The following RBFOX1 variants were observed in gnomAD, a reference collection of about 807,000 sequenced individuals.
RBFOX1 encodes RNA binding fox-1 homolog 1, also known as RNA binding protein fox-1 homolog 1.
Under a neutral mutation model 57.7 loss-of-function variants are expected in RBFOX1, and 8 were observed. The ratio of observed to expected loss-of-function variants is 0.14; its 90% confidence interval spans 0.08 to 0.25. The LOEUF (loss-of-function observed/expected upper bound fraction) is 0.25. Among genes scored for constraint, RBFOX1 ranks in the 10% least tolerant of loss-of-function variants. The pLI, the probability that RBFOX1 is intolerant of heterozygous loss-of-function variation, is 1.00. For synonymous variants in RBFOX1, 326 were observed against 222.4 expected (o/e 1.47, Z -4.15); for missense variants, 611 against 548.5 (o/e 1.11, Z -1.14).
At position 7,165,933 on chromosome 16, in the gene RBFOX1, T is replaced by C. The variant is rs201119426; in HGVS notation, c.27+113835T>C. 1.3e-3 allele frequency among the ~76,000 whole-genome samples: 192 copies of C among 143,262 alleles called. 1 individual carries two copies. Among genetic ancestry groups the C allele is most frequent in the African/African-American group, 4.4e-3 (167 of 38,244 alleles). 94.0% of individuals were successfully genotyped at this position (143,262 alleles called of 152,430 possible). Reference sequence around the variant, plus strand: ...CCCCCTGCACCCCACCGCATGCACATACACACACACACACACACACACACA... The same window carrying C: ...CCCCCTGCACCCCACCGCATGCACACACACACACACACACACACACACACA... On this transcript the variant is annotated intron_variant, in intron 4 of 15. Transcript: ENST00000550418.
chr16:7,412,364 G>A (rs1298136860), intron 4 of RBFOX1, among the ~76,000 whole-genome samples: 2 of 145,290 alleles, frequency 1.4e-5, no homozygotes, highest in East Asian at 2.1e-4. Flanking sequence ...GCAGGGAGCC[G>A]AGATCGCACC....
chr16:6,057,304 T>C (rs1248381619), intron 1 of RBFOX1, among the ~76,000 whole-genome samples: 1 of 152,178 alleles, frequency 6.6e-6, no homozygotes, highest in Non-Finnish European at 1.5e-5. Context: ...CCTGGGTTTT[T>C]TTTTTCTGTC....
intron 2 of RBFOX1, among the ~76,000 whole-genome samples, chr16:6,545,263 T>G (rs2096879208): frequency 6.6e-6 from 1 of 152,184 alleles, no homozygotes; most frequent in South Asian, 2.1e-4. Flanking sequence ...CTTTTAATAT[T>G]CAAAACAGGT....
chr16:5,389,894 C>T (rs2066357794), intron 1 of RBFOX1, among the ~76,000 whole-genome samples: 1 of 152,024 alleles, frequency 6.6e-6, no homozygotes, highest in South Asian at 2.1e-4. Context: ...GATGGAGCTT[C>T]ACCATGTTGC....
intron 2 of RBFOX1, among the ~76,000 whole-genome samples, chr16:5,551,444 C>A (rs553527305): frequency 4.6e-4 from 70 of 152,310 alleles, no homozygotes; most frequent in African/African-American, 1.6e-3. Flanking sequence ...CTCTTGTTAC[C>A]ACTAAATTGT....
intron 2 of RBFOX1, among the ~76,000 whole-genome samples, chr16:6,388,054 A>G (rs540616236): frequency 1.5e-5 from 2 of 135,520 alleles, no homozygotes; most frequent in African/African-American, 2.9e-5. Context: ...ATTTGAGCTC[A>G]CTGCAACCTC....
At chr16:7,191,132 TTCACCA>T (rs2085277461) in intron 4 of RBFOX1, among the ~76,000 whole-genome samples, 1 of 152,152 alleles carries the variant, frequency 6.6e-6, no homozygotes, top group African/African-American at 2.4e-5. Flanking sequence ...ATCTTAATTC[TTCACCA>T]TCATACTTTA....
chr16:7,471,272 G>A (rs2150930062), intron 4 of RBFOX1, among the ~76,000 whole-genome samples: 2 of 152,234 alleles, frequency 1.3e-5, no homozygotes, highest in East Asian at 3.9e-4. Context: ...TTTAGCTTTA[G>A]GCTATTTCCA....
At chr16:6,944,411 AAAAAG>A (rs1241841164) in intron 3 of RBFOX1, among the ~76,000 whole-genome samples, 4 of 146,814 alleles carry the variant, frequency 2.7e-5, no homozygotes, top group Non-Finnish European at 3.0e-5. Context: ...AAAAAAAAAA[AAAAAG>A]AAAGAAAAGA....
intron 4 of RBFOX1, among the ~76,000 whole-genome samples, chr16:7,393,065 G>C (rs981957650): frequency 6.6e-6 from 1 of 152,092 alleles, no homozygotes; most frequent in African/African-American, 2.4e-5. Flanking sequence ...GTAGAGACAG[G>C]GTTTCACCAT....
At chr16:7,393,854 A>C (rs900318690) in intron 4 of RBFOX1, among the ~76,000 whole-genome samples, 4 of 152,174 alleles carry the variant, frequency 2.6e-5, no homozygotes, top group African/African-American at 4.8e-5. Context: ...AGAAGAATTC[A>C]GGTTGTCAGC....
downstream of RBFOX1, chr16:5,601,703 G>C (rs890631770): frequency 5.9e-5 from 9 of 152,262 alleles, no homozygotes; most frequent in Admixed American, 5.9e-4. Context: ...ACATTTTGCA[G>C]ATGGGGAAAT....
intron 4 of RBFOX1, among the ~76,000 whole-genome samples, chr16:7,173,545 T>C (rs2081111726): frequency 6.6e-6 from 1 of 152,210 alleles, no homozygotes; most frequent in East Asian, 1.9e-4. Context: ...TACTTCATTG[T>C]ATTTCAGCAT....
intron 14 of RBFOX1, among the ~76,000 whole-genome samples, 153 bp downstream of exon 14, chr16:7,676,991 C>T (rs2073466989): frequency 6.6e-6 from 1 of 151,998 alleles, no homozygotes; most frequent in African/African-American, 2.4e-5. Flanking sequence ...GAACTCAAGT[C>T]CCCATAGAGA....
intron 2 of RBFOX1, among the ~76,000 whole-genome samples, chr16:6,466,301 C>G (rs939384538): frequency 1.3e-5 from 2 of 150,804 alleles, no homozygotes; most frequent in African/African-American, 2.4e-5. Flanking sequence ...TTGACTGCAT[C>G]TTAACATCAT....
At chr16:7,479,986 G>A (rs769349664) in intron 4 of RBFOX1, among the ~76,000 whole-genome samples, 18 of 152,168 alleles carry the variant, frequency 1.2e-4, no homozygotes, top group East Asian at 9.6e-4. Context: ...AAGTGAGGCC[G>A]ACGTATAGGT....
chr16:7,453,254 T>A (rs1161784035), intron 4 of RBFOX1, among the ~76,000 whole-genome samples: 2 of 151,584 alleles, frequency 1.3e-5, no homozygotes, highest in Non-Finnish European at 2.9e-5. Flanking sequence ...CAGAGAGGTA[T>A]GAGAGTAGCA....
At chr16:6,911,552 A>G (rs1161062302) in intron 3 of RBFOX1, among the ~76,000 whole-genome samples, 1 of 152,186 alleles carries the variant, frequency 6.6e-6, no homozygotes, top group South Asian at 2.1e-4. Context: ...GACATCAGTC[A>G]TATTGAACTA....
In RBFOX1 at chr16:5,438,546, C is replaced by T. The variant is rs1313034218; in HGVS notation, c.220-28670C>T. Among the ~76,000 whole-genome samples the T allele has an allele frequency of 2.6e-5, 4 of 152,282 alleles. No individual in the cohort carries two copies. The East Asian group carries it at 5.8e-4, about 22-fold the overall frequency. On this transcript the variant is annotated intron_variant, in intron 1 of 2. Coordinates refer to the RBFOX1 transcript ENST00000585867. ...TATGCCCCCTGTTCTGCAGGAAAGG[C>T]TCCCCACCCAGCTAGTTCTCCTATT...
Sources: gnomAD v4.1 joint callset for allele counts (sites outside exome capture counted in the v4.1 genomes callset) on GRCh38, gnomAD v4.1.1 for gene constraint, MANE v1.5 for transcripts, NCBI Gene and HGNC (gene_info 2026-07-23, HGNC 2026-07-21) for gene names.